TAFA2: variants seen among roughly 807,000 people sequenced by gnomAD.
The protein encoded by TAFA2 is TAFA chemokine like family member 2.
TAFA2 carries 7 observed loss-of-function variants against 18.8 expected under a neutral mutation model. The ratio of observed to expected loss-of-function variants is 0.37; its 90% CI spans 0.21 to 0.70. TAFA2 has a LOEUF of 0.70. TAFA2 is among the 30% of genes least tolerant of loss of function. TAFA2 has a pLI of 0.53. For synonymous variants in TAFA2, 60 were observed against 54.2 expected (o/e 1.11, Z -0.47); for missense variants, 122 against 158.1 (o/e 0.77, Z 1.23).
At chr12:62,033,181 A>G (rs1242159127) in intron 1 of TAFA2, among the ~76,000 whole-genome samples, 1 of 152,112 alleles carries the variant, frequency 6.6e-6, no homozygotes, top group Non-Finnish European at 1.5e-5. Flanking sequence ...GGGTTACATC[A>G]CCCTTTAGCA....
intron 1 of TAFA2, among the ~76,000 whole-genome samples, chr12:61,941,030 T>A (rs1877982820): frequency 1.3e-5 from 2 of 152,194 alleles, no homozygotes; most frequent in Admixed American, 1.3e-4. Flanking sequence ...TCTGATTCAG[T>A]TATTTCAAAA....
At chr12:61,810,047 C>T (rs1210854840) in intron 2 of TAFA2, among the ~76,000 whole-genome samples, 1 of 151,428 alleles carries the variant, frequency 6.6e-6, no homozygotes. Context: ...ACATTTCCTT[C>T]TCTCATGATC....
chr12:61,845,691 C>T (rs544259995), intron 2 of TAFA2, among the ~76,000 whole-genome samples: 1 of 152,208 alleles, frequency 6.6e-6, no homozygotes, highest in East Asian at 1.9e-4. Flanking sequence ...TCCAAAGAGA[C>T]TATCTTAGCA....
chr12:61,922,905 G>GT (rs1472614396), intron 1 of TAFA2, among the ~76,000 whole-genome samples: 1 of 152,178 alleles, frequency 6.6e-6, no homozygotes, highest in Non-Finnish European at 1.5e-5. Flanking sequence ...CTCGAGCTTG[G>GT]TGGGGAGAGG....
intron 1 of TAFA2, among the ~76,000 whole-genome samples, chr12:62,156,268 C>A (rs1291577250): frequency 2.0e-5 from 3 of 152,060 alleles, no homozygotes; most frequent in African/African-American, 7.2e-5. Flanking sequence ...CCTGCAAGAA[C>A]GTCCATAATC....
intron 4 of TAFA2, among the ~76,000 whole-genome samples, chr12:61,741,239 T>A (rs568011619): frequency 6.6e-6 from 1 of 150,486 alleles, no homozygotes; most frequent in South Asian, 2.1e-4. Context: ...GCAAATTATC[T>A]CCCTTCCCCT....
At chr12:61,911,768 G>A (rs1293902093) in intron 1 of TAFA2, among the ~76,000 whole-genome samples, 2 of 152,152 alleles carry the variant, frequency 1.3e-5, no homozygotes, top group Admixed American at 1.3e-4. Flanking sequence ...GAATCTGAAT[G>A]AGAGACACCA....
Position 62,246,679 on chromosome 12 carries a change from T to A in TAFA2, c.-130+12084A>T, listed in dbSNP as rs141565896. On this transcript the variant is annotated intron_variant, in intron 1 of 5. Transcript: ENST00000551619. Reference sequence around the variant, plus strand: ...AACAAAAAGATTCAGAATGGTACATTTTCCTAATAAGCTGTTCTTTTTACC... The same window carrying A: ...AACAAAAAGATTCAGAATGGTACATATTCCTAATAAGCTGTTCTTTTTACC... Among the ~76,000 whole-genome samples the A allele has an allele frequency of 1.8e-3, 277 of 152,356 alleles. 1 individual carries two copies. The highest frequency in any genetic ancestry group is 6.6e-3 in the African/African-American group (273 of 41,586).
At chr12:62,223,555 CT>C (rs1362309861) in intron 1 of TAFA2, among the ~76,000 whole-genome samples, 10 of 152,124 alleles carry the variant, frequency 6.6e-5, no homozygotes, top group African/African-American at 2.4e-4. Context: ...GAAGTTGGAT[CT>C]TTACCCAACA....
chr12:61,738,804 T>A (rs1005663274), intron 4 of TAFA2, among the ~76,000 whole-genome samples: 4 of 152,082 alleles, frequency 2.6e-5, no homozygotes, highest in Admixed American at 2.0e-4. Flanking sequence ...CAACCTCCAA[T>A]GAATTTGTGC....
chr12:62,047,008 T>C (rs914774038), intron 1 of TAFA2, among the ~76,000 whole-genome samples: 4 of 152,034 alleles, frequency 2.6e-5, no homozygotes, highest in African/African-American at 9.7e-5. Flanking sequence ...TTATTTTTTA[T>C]TCATTAGGTT....
At chr12:61,878,614 A>G (rs1874970478) in intron 1 of TAFA2, among the ~76,000 whole-genome samples, 1 of 152,210 alleles carries the variant, frequency 6.6e-6, no homozygotes, top group Admixed American at 6.5e-5. Flanking sequence ...AAATAAATAG[A>G]TGGAAGAAAC....
In TAFA2 at chr12:61,754,865, G is replaced by A; in HGVS notation, c.259+7C>T. 6.2e-7 allele frequency: 1 copy of A among 1,612,184 alleles called. No homozygotes were observed. Among genetic ancestry groups the A allele is most frequent in the East Asian group, 2.2e-5 (1 of 44,664 alleles). ...GCTGTTACAATAAGGAATGGAAGAA[G>A]TCACACCATCCACACATGATGGAGC... On this transcript the variant is annotated splice_region_variant and intron_variant, in intron 3 of 4. Coordinates refer to ENST00000416284, the MANE Select transcript of TAFA2 (RefSeq NM_178539.5).
intron 1 of TAFA2, among the ~76,000 whole-genome samples, chr12:61,932,148 T>C (rs1252627970): frequency 6.6e-6 from 1 of 152,202 alleles, no homozygotes; most frequent in African/African-American, 2.4e-5. Context: ...CAAATGGTAT[T>C]TTAAAGGGAG....
chr12:61,729,292 A>T (rs547989343), intron 4 of TAFA2, among the ~76,000 whole-genome samples: 1 of 152,022 alleles, frequency 6.6e-6, no homozygotes, highest in African/African-American at 2.4e-5. Flanking sequence ...AGACCATGAA[A>T]ATTTTCCTCA....
rs79988859 is a variant in TAFA2, at chr12:61,848,080, C to T, written c.106+19240G>A. Among the ~76,000 whole-genome samples the T allele has an allele frequency of 1.5e-3, 227 of 152,242 alleles. No homozygotes were observed. In the East Asian group the frequency reaches 0.041, roughly 27 times the overall value. On this transcript the variant is annotated intron_variant, in intron 2 of 4. Coordinates refer to ENST00000416284, the MANE Select transcript of TAFA2 (RefSeq NM_178539.5). ...CCTTCCAGTGAGTTAGCTATAACTT[C>T]AAAACTCATTATAAAACAGCTCACT...
intron 1 of TAFA2, among the ~76,000 whole-genome samples, chr12:62,182,598 T>C (rs1229356063): frequency 6.6e-6 from 1 of 152,194 alleles, no homozygotes; most frequent in African/African-American, 2.4e-5. Flanking sequence ...GTAATTTGTG[T>C]ACACATAGAA....
intron 2 of TAFA2, among the ~76,000 whole-genome samples, chr12:61,783,261 A>G (rs1002025462): frequency 3.3e-5 from 5 of 151,726 alleles, no homozygotes; most frequent in African/African-American, 1.2e-4. Flanking sequence ...TATAAAAATT[A>G]GTATTCATTT....
chr12:62,033,386 T>A (rs1284928574), intron 1 of TAFA2, among the ~76,000 whole-genome samples: 5 of 152,184 alleles, frequency 3.3e-5, no homozygotes, highest in Admixed American at 6.5e-5. Context: ...TGACACAGAC[T>A]ACATCGGCCC....
Sources: allele counts gnomAD v4.1 joint callset (sites outside exome capture counted in the v4.1 genomes callset), GRCh38; gene constraint gnomAD v4.1.1; transcripts MANE v1.5; gene names NCBI Gene and HGNC (gene_info 2026-07-23, HGNC 2026-07-21).